Variants in KLF8 observed in about 807,000 individuals in gnomAD.
KLF8 encodes the protein KLF transcription factor 8, also known as Krueppel-like factor 8.
A neutral mutation model predicts 18.2 loss-of-function variants in KLF8; 10 were observed. The ratio of observed to expected loss-of-function variants is 0.55; its 90% CI spans 0.34 to 0.93. The LOEUF is 0.93. Among genes scored for constraint, KLF8 ranks in the 40% least tolerant of loss-of-function variants. The probability of loss-of-function intolerance (pLI) is 0.02; values close to 1 mark genes in which losing one functional copy is unlikely to be tolerated. For synonymous variants in KLF8, 109 were observed against 97.3 expected (o/e 1.12, Z -0.71); for missense variants, 264 against 277.9 (o/e 0.95, Z 0.36).
At chrX:56,103,649 A>T in the KLF8 span, among the ~76,000 whole-genome samples, 2 of 111,674 alleles carry the variant, frequency 1.8e-5, no homozygotes, top group Non-Finnish European at 3.8e-5. Context: ...CAATCATGTC[A>T]TCTGCAAACA....
chrX:56,156,959 C>A, the KLF8 span, among the ~76,000 whole-genome samples: 1 of 109,113 alleles, frequency 9.2e-6, no homozygotes, highest in Non-Finnish European at 1.9e-5. Context: ...GCACTATTCA[C>A]AATAGCAAAG....
chrX:56,114,887 C>A, the KLF8 span, among the ~76,000 whole-genome samples: 1 of 112,032 alleles, frequency 8.9e-6, no homozygotes, highest in Non-Finnish European at 1.9e-5. Context: ...GAAGCGTTGG[C>A]TTCCGTTTTA....
chrX:56,187,806 T>G, the KLF8 span, among the ~76,000 whole-genome samples: 3 of 111,939 alleles, frequency 2.7e-5, no homozygotes, highest in Non-Finnish European at 3.8e-5. Context: ...AGAAATGGCC[T>G]TTGACAAAAT....
At chrX:56,054,155 G>A in the KLF8 span, among the ~76,000 whole-genome samples, 9 of 109,738 alleles carry the variant, frequency 8.2e-5, no homozygotes, top group African/African-American at 2.0e-4. Flanking sequence ...ATTTTGACAC[G>A]GAGTCTCTCT....
At chrX:56,169,068 A>T in the KLF8 span, among the ~76,000 whole-genome samples, 2 of 111,363 alleles carry the variant, frequency 1.8e-5, no homozygotes, top group Non-Finnish European at 3.8e-5. Context: ...TAGCTTCTGG[A>T]TGACATTTGT....
chrX:56,060,557 G>A, the KLF8 span, among the ~76,000 whole-genome samples: 10 of 111,789 alleles, frequency 8.9e-5, no homozygotes, highest in African/African-American at 2.9e-4. Flanking sequence ...TCGTGGATAA[G>A]CTTTTTGATA....
chrX:56,206,123 C>A, the KLF8 span, among the ~76,000 whole-genome samples: 1 of 111,079 alleles, frequency 9.0e-6, no homozygotes, highest in Non-Finnish European at 1.9e-5. Context: ...GAAACCACCC[C>A]TATGATTCAA....
At chrX:56,184,631 C>T in the KLF8 span, among the ~76,000 whole-genome samples, 2 of 111,684 alleles carry the variant, frequency 1.8e-5, no homozygotes, top group Admixed American at 1.9e-4. Flanking sequence ...CCCCGAGTAG[C>T]GGCAGACTGA....
chrX:56,159,056 G>T, the KLF8 span, among the ~76,000 whole-genome samples: 1 of 111,811 alleles, frequency 8.9e-6, no homozygotes, highest in Non-Finnish European at 1.9e-5. Context: ...TTGGAGATAT[G>T]TGCCATCAAT....
At chrX:55,943,034 C>T in the KLF8 span, among the ~76,000 whole-genome samples, 1 of 102,607 alleles carries the variant, frequency 9.7e-6, no homozygotes, top group Non-Finnish European at 2.0e-5. Context: ...TAGACAGTGT[C>T]AGAATCCATT....
At chrX:56,161,250 G>C in the KLF8 span, among the ~76,000 whole-genome samples, 1 of 111,573 alleles carries the variant, frequency 9.0e-6, no homozygotes, top group African/African-American at 3.3e-5. Flanking sequence ...CATTTCTGCC[G>C]AGAGATCTTC....
chrX:56,178,107 C>T, the KLF8 span, among the ~76,000 whole-genome samples: 3 of 111,977 alleles, frequency 2.7e-5, no homozygotes, highest in African/African-American at 9.7e-5. Context: ...CACCCAATGT[C>T]CTGCACCCAC....
At chrX:56,003,076 C>A in the KLF8 span, among the ~76,000 whole-genome samples, 1 of 111,653 alleles carries the variant, frequency 9.0e-6, no homozygotes, top group African/African-American at 3.3e-5. Context: ...CTGTCCCTGA[C>A]TATGAAAGTC....
intron 5 of KLF8, among the ~76,000 whole-genome samples, chrX:56,282,154 A>T (rs1442685130): frequency 8.9e-6 from 1 of 112,494 alleles, no homozygotes; most frequent in African/African-American, 3.2e-5. Context: ...CACACTCTAA[A>T]CATCCCCTGA....
the KLF8 span, among the ~76,000 whole-genome samples, chrX:55,939,267 G>C: frequency 3.6e-5 from 4 of 111,664 alleles, no homozygotes; most frequent in Non-Finnish European, 5.6e-5. Flanking sequence ...ACCTGCTCCT[G>C]AATAACTACT....
At chrX:56,169,080 G>A in the KLF8 span, among the ~76,000 whole-genome samples, 6 of 111,337 alleles carry the variant, frequency 5.4e-5, no homozygotes, top group African/African-American at 2.0e-4. Context: ...GACATTTGTA[G>A]CCGCACTCTG....
chrX:56,130,730 G>A, the KLF8 span, among the ~76,000 whole-genome samples: 4 of 111,784 alleles, frequency 3.6e-5, no homozygotes, highest in Non-Finnish European at 1.9e-5. Context: ...AGAGAAAAAT[G>A]AAGTCCAAAC....
intron 1 of KLF8, among the ~76,000 whole-genome samples, chrX:56,238,085 C>A (rs901147866): frequency 9.0e-6 from 1 of 111,642 alleles, no homozygotes; most frequent in African/African-American, 3.3e-5. Flanking sequence ...AGAGTGGACA[C>A]AACACAAGTC....
chrX:56,240,921 T>A (rs771752372), intron 1 of KLF8, among the ~76,000 whole-genome samples: 2 of 111,724 alleles, frequency 1.8e-5, no homozygotes, highest in African/African-American at 6.5e-5. Flanking sequence ...CCATTAGAAA[T>A]GCCATGAAGT....
Sources: allele counts gnomAD v4.1 joint callset (sites outside exome capture counted in the v4.1 genomes callset), GRCh38; gene constraint gnomAD v4.1.1; transcripts MANE v1.5; gene names NCBI Gene and HGNC (gene_info 2026-07-23, HGNC 2026-07-21).